PEDS1: variants seen among roughly 807,000 people sequenced by gnomAD.
PEDS1 encodes plasmanylethanolamine desaturase 1, also known as CarF homolog.
Under a neutral mutation model 35.2 loss-of-function variants are expected in PEDS1, and 14 were observed. That is an observed-to-expected ratio of 0.40 (90% CI 0.26 to 0.62). The LOEUF is 0.62. PEDS1 is among the 20% of genes least tolerant of loss of function. The probability of loss-of-function intolerance (pLI) is 0.44; values close to 1 mark genes in which losing one functional copy is unlikely to be tolerated. For synonymous variants in PEDS1, 152 were observed against 152.0 expected, an observed-to-expected ratio of 1.00 and a Z score of 0.00; for missense variants, 260 against 367.8, an observed-to-expected ratio of 0.71 and a Z score of 2.40.
Position 50,136,031 on chromosome 20 carries a change from G to T in PEDS1, c.242-5084C>A, listed in dbSNP as rs190127356. Reference sequence around the variant, plus strand: ...TTTTGAATCTGCTGCAGTGAATATTGGTGTACAAGTCTATGTGTAGACATC... The same window carrying T: ...TTTTGAATCTGCTGCAGTGAATATTTGTGTACAAGTCTATGTGTAGACATC... On this transcript the variant is annotated intron_variant, in intron 2 of 5. Transcript: ENST00000371652. Among the ~76,000 whole-genome samples the T allele has an allele frequency of 3.7e-3, 568 of 152,124 alleles. 6 individuals are homozygous for T. The highest frequency in any genetic ancestry group is 0.013 in the African/African-American group (550 of 41,492).
At chr20:50,146,529 A>AGTACT (rs2081347028) in intron 1 of PEDS1, among the ~76,000 whole-genome samples, 1 of 152,160 alleles carries the variant, frequency 6.6e-6, no homozygotes, top group Admixed American at 6.5e-5. Context: ...TTGGGAAGGA[A>AGTACT]GTACTGGGTT....
In PEDS1 at chr20:50,123,526, A is replaced by G. The variant is rs1013068402; in HGVS notation, c.*1532T>C. 19 of 152,370 alleles carry G rather than the reference A, an allele frequency of 1.2e-4. No homozygotes were observed. Among genetic ancestry groups the G allele is most frequent in the African/African-American group, 4.6e-4 (19 of 41,426 alleles). The allele number at this position is 152,370 out of a possible 1,614,324, so 9.4% of individuals were successfully genotyped here. On this transcript the variant is annotated 3_prime_UTR_variant, in exon 6 of 6. Transcript: ENST00000371652. ...GGTGATCTGTCCGCCTCAGCCTCCCAAAGTGCTGGGATTACTGGCGTGAGC... is the reference window on the plus strand; with the variant it reads ...GGTGATCTGTCCGCCTCAGCCTCCCGAAGTGCTGGGATTACTGGCGTGAGC...
Position 50,153,593 on chromosome 20 carries a change from G to C in PEDS1, c.45C>G (p.Asp15Glu). The C allele has an allele frequency of 7.0e-7, 1 of 1,421,496 alleles. No individual in the cohort carries two copies. Among genetic ancestry groups the C allele is most frequent in the Non-Finnish European group, 9.3e-7 (1 of 1,080,714 alleles). 88.1% of individuals were successfully genotyped at this position (1,421,496 alleles called of 1,614,324 possible). A position where few individuals can be genotyped will look rare whatever the true frequency, so the allele number is the denominator to read the frequency against. Reference sequence around the variant, plus strand: ...AGCGGCAACAAGACGCCTCGTCCTCGTCCAGCTCCAGCTGCTGGCCCGGCC... The same window carrying C: ...AGCGGCAACAAGACGCCTCGTCCTCCTCCAGCTCCAGCTGCTGGCCCGGCC... Reference protein sequence around the residue: ...ENWPGQQLELDEDEASCCRWG... With the variant: ...ENWPGQQLELEEDEASCCRWG... The change falls in exon 1 of 6, where the codon GAC (aspartate) becomes GAG (glutamate). Residue 15 changes from aspartate (D) to glutamate (E), a missense_variant. Around this residue, in one of 4 missense-constraint regions of PEDS1, gnomAD observed 114 missense variants for 121.6 expected, o/e 0.94. Coordinates refer to ENST00000371652, the MANE Select transcript of PEDS1 (RefSeq NM_199129.4).
At chr20:50,131,292 A>G in intron 2 of PEDS1, among the ~76,000 whole-genome samples, 1 of 152,156 alleles carries the variant, frequency 6.6e-6, no homozygotes, top group African/African-American at 2.4e-5. Context: ...GCTGCCTGGA[A>G]CTGCAGCAAT....
At chr20:50,126,503 A>C (rs2081106207) in intron 5 of PEDS1, among the ~76,000 whole-genome samples, 1 of 152,252 alleles carries the variant, frequency 6.6e-6, no homozygotes, top group Non-Finnish European at 1.5e-5. Context: ...AAAAAAAAAT[A>C]GTAGCTGTAA....
At chr20:50,146,173 C>G (rs1042112822) in intron 1 of PEDS1, among the ~76,000 whole-genome samples, 1 of 152,134 alleles carries the variant, frequency 6.6e-6, no homozygotes, top group East Asian at 1.9e-4. Context: ...TGTGTCCACC[C>G]TCTCTTCTTT....
intron 1 of PEDS1, among the ~76,000 whole-genome samples, chr20:50,150,612 G>A (rs950722661): frequency 6.6e-6 from 1 of 152,276 alleles, no homozygotes; most frequent in African/African-American, 2.4e-5. Flanking sequence ...GCTCCACAGC[G>A]CTTGCCACCA....
At position 50,129,383 on chromosome 20, in the gene PEDS1, C is replaced by T. The variant is rs1444483591; in HGVS notation, c.478+163G>A. Among the ~76,000 whole-genome samples, 1 of 152,168 alleles carries T rather than the reference C, an allele frequency of 6.6e-6. No homozygotes were observed. Among genetic ancestry groups the T allele is most frequent in the East Asian group, 1.9e-4 (1 of 5,190 alleles). ...CAGATTGTGCAAGAGAAGCTGGAAA[C>T]CTCCATCTTCATGTCAGGTTTCCTG... On this transcript the variant is annotated intron_variant, in intron 4 of 5. Transcript: ENST00000371652. The surrounding 1 kb of genome is among the most constrained non-coding windows in gnomAD (Gnocchi z 4.2).
At chr20:50,127,934 T>C in intron 5 of PEDS1, 41 bp downstream of exon 5, 1 of 1,598,326 alleles carries the variant, frequency 6.3e-7, no homozygotes, top group South Asian at 1.1e-5. Context: ...GTGCAGTGGC[T>C]GGGGTGGGGA....
intron 2 of PEDS1, among the ~76,000 whole-genome samples, chr20:50,142,399 G>A (rs1435913855): frequency 6.6e-6 from 1 of 151,638 alleles, no homozygotes; most frequent in Non-Finnish European, 1.5e-5. Flanking sequence ...TAAAGACACT[G>A]TGGACACAGT....
At chr20:50,147,888 G>A (rs1445645132) in intron 1 of PEDS1, among the ~76,000 whole-genome samples, 3 of 93,638 alleles carry the variant, frequency 3.2e-5, no homozygotes, top group African/African-American at 1.3e-4. Context: ...GTGAAACCCC[G>A]TCTCTAAGAA....
intron 1 of PEDS1, among the ~76,000 whole-genome samples, chr20:50,144,927 G>C (rs1330597932): frequency 6.6e-6 from 1 of 152,178 alleles, no homozygotes; most frequent in Non-Finnish European, 1.5e-5. Context: ...AGGGGGCCAT[G>C]CATGGTGGCT....
At chr20:50,138,988 C>T (rs2081264527) in intron 2 of PEDS1, among the ~76,000 whole-genome samples, 1 of 152,160 alleles carries the variant, frequency 6.6e-6, no homozygotes, top group Non-Finnish European at 1.5e-5. Flanking sequence ...ACCTCAAAGG[C>T]CTGGCGTGGA....
chr20:50,144,590 C>T (rs1205612304), intron 1 of PEDS1, among the ~76,000 whole-genome samples: 1 of 152,210 alleles, frequency 6.6e-6, no homozygotes, highest in East Asian at 1.9e-4. Context: ...CACACGAGCC[C>T]AGACAAGCTG....
At chr20:50,152,380 G>A (rs1236503340) in intron 1 of PEDS1, among the ~76,000 whole-genome samples, 1 of 152,194 alleles carries the variant, frequency 6.6e-6, no homozygotes, top group African/African-American at 2.4e-5. Context: ...AAAAAGGAAG[G>A]ATGTCAGGAT....
chr20:50,131,280 G>A (rs753826292), intron 2 of PEDS1: 92 of 603,422 alleles, frequency 1.5e-4, no homozygotes, highest in Non-Finnish European at 2.4e-4. Flanking sequence ...CTCTGCACCA[G>A]TGCTGCCTGG....
At chr20:50,150,992 G>A (rs947943355) in intron 1 of PEDS1, among the ~76,000 whole-genome samples, 5 of 151,996 alleles carry the variant, frequency 3.3e-5, no homozygotes, top group South Asian at 4.2e-4. Flanking sequence ...CACCGCGCCC[G>A]GCCAGCTCCA....
chr20:50,142,858 G>T (rs1211486800), intron 2 of PEDS1, among the ~76,000 whole-genome samples: 1 of 152,102 alleles, frequency 6.6e-6, no homozygotes, highest in East Asian at 1.9e-4. Context: ...TAGGCACAGA[G>T]AATGGCACAT....
In PEDS1 at chr20:50,128,357, T is replaced by C. The variant is rs1458057715; in HGVS notation, c.479-170A>G. ...GCAAGCTCAGGTGCTGCCCTGGGCT[T>C]CAGGCTTTCCTCCTGCTCAGGAAGC... is the stretch of plus-strand genomic sequence containing the variant. On this transcript the variant is annotated intron_variant, in intron 4 of 5. Transcript: ENST00000371652. This position sits in a 1 kb window ranked among gnomAD's most constrained non-coding sequence, Gnocchi z 5.2. Among the ~76,000 whole-genome samples the C allele has an allele frequency of 6.6e-6, 1 of 152,182 alleles. No homozygotes were observed. The highest frequency in any genetic ancestry group is 1.9e-4 in the East Asian group (1 of 5,172).
Sources: gnomAD v4.1 joint callset for allele counts (sites outside exome capture counted in the v4.1 genomes callset) on GRCh38, gnomAD v4.1.1 for gene constraint, gnomAD v4.1.1 regional missense constraint, Gnocchi (gnomAD v3.1) non-coding constraint, MANE v1.5 for transcripts, NCBI Gene and HGNC (gene_info 2026-07-23, HGNC 2026-07-21) for gene names.